The following AQR variants were observed in gnomAD, a reference collection of about 807,000 sequenced individuals.
AQR encodes the protein RNA helicase aquarius.
In AQR, 61 loss-of-function variants were observed where a neutral mutation model predicts 180.5. The observed-to-expected ratio is 0.34, with a 90% CI of 0.28 to 0.42. The LOEUF (loss-of-function observed/expected upper bound fraction) is 0.42, where lower values mean the gene tolerates loss of function less well. AQR is among the 10% of genes least tolerant of loss of function. The pLI, the probability that AQR is intolerant of heterozygous loss-of-function variation, is 1.00. For missense variants in AQR, 1,281 were observed against 1,798.3 expected (o/e 0.71, Z 5.20); for synonymous variants, 551 against 588.8 (o/e 0.94, Z 0.93).
intron 14 of AQR, among the ~76,000 whole-genome samples, chr15:34,919,454 G>A (rs970212294): frequency 6.6e-6 from 1 of 152,030 alleles, no homozygotes; most frequent in Non-Finnish European, 1.5e-5. Flanking sequence ...GGGAAGGGAG[G>A]AAACAAAACA....
intron 24 of AQR, 115 bp downstream of exon 24, chr15:34,890,100 T>C (rs1230431880): frequency 1.1e-6 from 1 of 882,044 alleles, no homozygotes; most frequent in African/African-American, 1.7e-5. Flanking sequence ...TAAGTTAAGT[T>C]AGAACCTTTC....
Position 34,863,034 on chromosome 15 carries a change from G to C in AQR, c.3862C>G (p.Arg1288Gly), listed in dbSNP as rs1324701247. The C allele has an allele frequency of 6.2e-7, 1 of 1,611,524 alleles. No individual in the cohort carries two copies. The change falls in exon 33 of 35, where the codon CGT becomes GGT. Residue 1288 changes from arginine (R) to glycine (G), a missense_variant. Physicochemically the swap from Arg to Gly is moderately radical, Grantham distance 125. Transcript: ENST00000156471. Reference protein sequence around the residue: ...TRAVGHLRDVRRLVVAMSRAR... With the variant: ...TRAVGHLRDVGRLVVAMSRAR... ...CTAGACATGGCCACTACCAAGCGACGGACATCCCTTTGGGAAATAAACAAA... is the reference window on the plus strand; with the variant it reads ...CTAGACATGGCCACTACCAAGCGACCGACATCCCTTTGGGAAATAAACAAA...
At chr15:34,864,429 A>G (rs1234268767) in intron 32 of AQR, among the ~76,000 whole-genome samples, 3 of 152,146 alleles carry the variant, frequency 2.0e-5, no homozygotes, top group Admixed American at 6.6e-5. Context: ...CATGAAGGAA[A>G]TATTATTTTC....
intron 16 of AQR, among the ~76,000 whole-genome samples, chr15:34,912,098 T>C (rs533092599): frequency 6.6e-6 from 1 of 152,164 alleles, no homozygotes; most frequent in Admixed American, 6.5e-5. Flanking sequence ...AAGTGTGGGT[T>C]TACTTCTGGG....
At chr15:34,964,365 A>G in intron 1 of AQR, 75 bp from the exon 2 acceptor site, 1 of 1,251,642 alleles carries the variant, frequency 8.0e-7, no homozygotes. Context: ...TCATTTAGTG[A>G]TAAGCGGTTT....
Position 34,944,275 on chromosome 15 carries a change from A to G in AQR, c.471+13T>C. ...AAACTTGAAAATTACCCCAAAATAT[A>G]AAGTAAAAGTACCAAACTATTGAAG... On this transcript the variant is annotated intron_variant, in intron 6 of 34. Coordinates refer to ENST00000156471, the MANE Select transcript of AQR (RefSeq NM_014691.3). The G allele has an allele frequency of 6.4e-7, 1 of 1,563,890 alleles. No individual in the cohort carries two copies. The highest frequency in any genetic ancestry group is 8.6e-7 in the Non-Finnish European group (1 of 1,161,032).
In AQR at chr15:34,853,243, T is replaced by C. The variant is rs1156661326; in HGVS notation, c.*3549A>G. 9.7e-6 allele frequency: 1 copy of C among 102,680 alleles called. No homozygotes were observed. Among genetic ancestry groups the C allele is most frequent in the African/African-American group, 6.4e-5 (1 of 15,658 alleles). 6.4% of individuals were successfully genotyped at this position (102,680 alleles called of 1,614,324 possible). ...TCTGGCTTATGCAAAAGGGTCACTG[T>C]TTTTTTTTTTTTTTTAACTTTATCT... On this transcript the variant is annotated 3_prime_UTR_variant, in exon 35 of 35. Coordinates refer to ENST00000156471, the MANE Select transcript of AQR (RefSeq NM_014691.3).
chr15:34,938,953 A>G (rs888673597), intron 8 of AQR, 140 bp from the exon 9 acceptor site: 18 of 601,026 alleles, frequency 3.0e-5, no homozygotes, highest in African/African-American at 7.4e-5. Flanking sequence ...TTCAATATAC[A>G]GCTTCTTCTT....
chr15:34,867,180 A>G (rs1211745138), intron 32 of AQR, among the ~76,000 whole-genome samples: 1 of 152,134 alleles, frequency 6.6e-6, no homozygotes, highest in Non-Finnish European at 1.5e-5. Flanking sequence ...CATATTATAC[A>G]ATGAAAATTT....
At chr15:34,949,891 A>T in intron 4 of AQR, among the ~76,000 whole-genome samples, 1 of 147,448 alleles carries the variant, frequency 6.8e-6, no homozygotes, top group East Asian at 2.1e-4. Flanking sequence ...ACTTGGGCCT[A>T]GGGGGTTGAG....
intron 12 of AQR, among the ~76,000 whole-genome samples, chr15:34,928,798 C>G (rs1278650966): frequency 6.6e-6 from 1 of 152,202 alleles, no homozygotes; most frequent in African/African-American, 2.4e-5. Context: ...AATTTACACT[C>G]CCACCAACAA....
intron 23 of AQR, among the ~76,000 whole-genome samples, chr15:34,891,906 A>C (rs1893155450): frequency 6.6e-6 from 1 of 152,150 alleles, no homozygotes; most frequent in South Asian, 2.1e-4. Context: ...ATATTGGATA[A>C]GTTTACTATT....
intron 33 of AQR, 116 bp downstream of exon 33, chr15:34,862,750 TA>T: frequency 8.6e-7 from 1 of 1,157,816 alleles, no homozygotes; most frequent in Non-Finnish European, 1.2e-6. Context: ...CAGCACACTC[TA>T]AAACAGGGAC....
chr15:34,963,673 CT>C (rs2050293832), intron 2 of AQR, among the ~76,000 whole-genome samples: 2 of 138,328 alleles, frequency 1.4e-5, no homozygotes, highest in Non-Finnish European at 3.1e-5. Flanking sequence ...TTTTTTTTTT[CT>C]TTTTTTTGAG....
At chr15:34,879,196 A>G (rs767036073) in intron 27 of AQR, among the ~76,000 whole-genome samples, 6 of 152,234 alleles carry the variant, frequency 3.9e-5, no homozygotes, top group Non-Finnish European at 7.3e-5. Flanking sequence ...TAAAGAAACC[A>G]GCAACTAACA....
intron 15 of AQR, among the ~76,000 whole-genome samples, chr15:34,917,606 T>C (rs1893614588): frequency 6.6e-6 from 1 of 152,090 alleles, no homozygotes; most frequent in African/African-American, 2.4e-5. Context: ...GAAAAGCCTT[T>C]GAAAAACAAA....
At chr15:34,942,334 T>A (rs1894036309) in intron 6 of AQR, among the ~76,000 whole-genome samples, 1 of 152,240 alleles carries the variant, frequency 6.6e-6, no homozygotes, top group African/African-American at 2.4e-5. Context: ...CTCCATGTGC[T>A]TTCACAGTCA....
intron 22 of AQR, 54 bp from the exon 23 acceptor site, chr15:34,893,827 AT>A: frequency 6.7e-7 from 1 of 1,497,184 alleles, no homozygotes; most frequent in South Asian, 1.1e-5. Flanking sequence ...GTTATCACAC[AT>A]TGTTAGAAAA....
At chr15:34,920,237 G>T in intron 14 of AQR, 95 bp downstream of exon 14, 3 of 772,484 alleles carry the variant, frequency 3.9e-6, no homozygotes, top group South Asian at 1.9e-5. Context: ...CTAATCTTTG[G>T]CCCACAAAAA....
Sources: allele counts gnomAD v4.1 joint callset (sites outside exome capture counted in the v4.1 genomes callset), GRCh38; gene constraint gnomAD v4.1.1; transcripts MANE v1.5; gene names NCBI Gene and HGNC (gene_info 2026-07-23, HGNC 2026-07-21).